PCDHGA1: variants seen among roughly 807,000 people sequenced by gnomAD.
PCDHGA1 encodes the protein protocadherin gamma subfamily A, 1, also known as protocadherin gamma-A1.
In PCDHGA1, 32 loss-of-function variants were observed where a neutral mutation model predicts 58.0. That is an observed-to-expected ratio of 0.55 (90% CI 0.42 to 0.74). PCDHGA1 has a LOEUF of 0.74. PCDHGA1 is among the 30% of genes least tolerant of loss of function. The probability of loss-of-function intolerance (pLI) is 0.00; values close to 1 mark genes in which losing one functional copy is unlikely to be tolerated. For missense variants in PCDHGA1, 1,205 were observed against 1,182.3 expected (o/e 1.02, Z -0.28); for synonymous variants, 498 against 501.1 (o/e 0.99, Z 0.08).
Position 141,332,845 on chromosome 5 carries a change from A to T in PCDHGA1, c.2161A>T (p.Lys721Ter). ...GGCGCACAGGCTGCGGCGCTGGCACAAGTCACGTCTGCTACAGGCTTCGGG... is the reference window on the plus strand; with the variant it reads ...GGCGCACAGGCTGCGGCGCTGGCACTAGTCACGTCTGCTACAGGCTTCGGG... ...LLAHRLRRWHKSRLLQASGGG... is the reference protein window; with the variant it reads ...LLAHRLRRWH The change falls in exon 1 of 4, where the codon AAG becomes TAG. Residue 721 changes from lysine (K) to a stop codon, truncating the protein, a stop_gained. Coordinates refer to ENST00000517417, the MANE Select transcript of PCDHGA1 (RefSeq NM_018912.3). LOFTEE classifies it high-confidence loss of function. The surrounding 1 kb of genome is among the most constrained non-coding windows in gnomAD (Gnocchi z 4.6). The T allele has an allele frequency of 6.2e-7, 1 of 1,614,210 alleles. No homozygotes were observed.
At chr5:141,459,735 T>A (rs114520602) in intron 1 of PCDHGA1, among the ~76,000 whole-genome samples, 1 of 152,374 alleles carries the variant, frequency 6.6e-6, no homozygotes, top group Non-Finnish European at 1.5e-5. Flanking sequence ...GTCAATTTTT[T>A]AAATTTTAGC....
chr5:141,498,827 G>C (rs2099786072), intron 2 of PCDHGA1, among the ~76,000 whole-genome samples: 1 of 152,102 alleles, frequency 6.6e-6, no homozygotes, highest in Non-Finnish European at 1.5e-5. Context: ...CAGCTACTCA[G>C]GAGGCTGAGG....
At chr5:141,403,291 A>C in intron 1 of PCDHGA1, 1 of 1,613,918 alleles carries the variant, frequency 6.2e-7, no homozygotes, top group Non-Finnish European at 8.5e-7. Flanking sequence ...TTGAAGACAG[A>C]GTGAAACTGT....
rs190332380 is a variant in PCDHGA1 at position 141,336,170 on chromosome 5, T to C, written c.2421+3065T>C. Among the ~76,000 whole-genome samples, 773 of 152,152 alleles carry C rather than the reference T, an allele frequency of 5.1e-3. 5 individuals are homozygous for C. The highest frequency in any genetic ancestry group is 0.017 in the African/African-American group (698 of 41,518). On this transcript the variant is annotated intron_variant, in intron 1 of 3. Transcript: ENST00000517417. ...TGAAATAATGGAAGCAGACAATAAA[T>C]GTAATAAAACCAGTGGGGAGAAAAT... is the stretch of plus-strand genomic sequence containing the variant.
chr5:141,394,821 G>C (rs2093106496), intron 1 of PCDHGA1: 4 of 1,613,862 alleles, frequency 2.5e-6, no homozygotes, highest in Middle Eastern at 1.6e-4. Flanking sequence ...CAGCATCCCC[G>C]AAGTCCTGAC....
chr5:141,383,634 T>C, intron 1 of PCDHGA1: 1 of 1,613,914 alleles, frequency 6.2e-7, no homozygotes, highest in Non-Finnish European at 8.5e-7. Flanking sequence ...TCTCTCTGCC[T>C]CAGTACCAAG....
intron 1 of PCDHGA1, chr5:141,362,530 C>A: frequency 6.2e-7 from 1 of 1,613,936 alleles, no homozygotes. Context: ...CGCTGGGGTC[C>A]CTTTTGCCTC....
At chr5:141,351,348 C>G (rs200422536) in intron 1 of PCDHGA1, 4 of 1,613,196 alleles carry the variant, frequency 2.5e-6, no homozygotes, top group African/African-American at 1.3e-5. Flanking sequence ...ACTGTAATAG[C>G]CCTCATAAAA....
At chr5:141,426,442 G>A (rs1205822455) in intron 1 of PCDHGA1, 9 of 306,752 alleles carry the variant, frequency 2.9e-5, no homozygotes, top group African/African-American at 4.3e-5. Context: ...CCTTGCGGAG[G>A]ACATGCGGCT....
chr5:141,478,100 C>T, intron 1 of PCDHGA1: 1 of 1,614,124 alleles, frequency 6.2e-7, no homozygotes, highest in Non-Finnish European at 8.5e-7. Context: ...CACTGCTACC[C>T]TCACTGTGTC....
At chr5:141,374,081 G>A (rs1588729709) in intron 1 of PCDHGA1, 1 of 1,524,542 alleles carries the variant, frequency 6.6e-7, no homozygotes. Flanking sequence ...TAATAAGCCA[G>A]TAATGGCGCC....
rs775290219 is a variant in PCDHGA1 at position 141,423,576 on chromosome 5, G to A, written c.2422-71231G>A. On this transcript the variant is annotated intron_variant, in intron 1 of 3. Transcript: ENST00000517417. ...ACTATGGGGACACGCTCATCAGCCAGGAGAGCTGTGAGAAAAGCGAGCCAC... is the reference window on the plus strand; with the variant it reads ...ACTATGGGGACACGCTCATCAGCCAAGAGAGCTGTGAGAAAAGCGAGCCAC... The A allele has an allele frequency of 1.9e-6, 3 of 1,613,588 alleles. No homozygotes were observed. In the Admixed American group the frequency reaches 5.0e-5, roughly 27 times the overall value.
At position 141,382,875 on chromosome 5, in the gene PCDHGA1, C is replaced by T. The variant is rs531192742; in HGVS notation, c.2421+49770C>T. On this transcript the variant is annotated intron_variant, in intron 1 of 3. Transcript: ENST00000517417. ...TCTGAAGCACTTCCCGAGATCGGCG[C>T]CTAAGCAAGAGAAGCAGGACGACTA... 5 of 1,524,466 alleles carry T rather than the reference C, an allele frequency of 3.3e-6. No individual in the cohort carries two copies. In the East Asian group the frequency reaches 1.1e-4, roughly 35 times the overall value. The allele number at this position is 1,524,466 out of a possible 1,614,324, so 94.4% of individuals were successfully genotyped here. A position where few individuals can be genotyped will look rare whatever the true frequency, so the allele number is the denominator to read the frequency against.
Position 141,371,530 on chromosome 5 carries a change from A to G in PCDHGA1, c.2421+38425A>G, listed in dbSNP as rs769779786. ...ACACATGATCTAGATTCTGGATTTAATGGAGAAATCCTATGCCAACTAAAA... is the reference window on the plus strand; with the variant it reads ...ACACATGATCTAGATTCTGGATTTAGTGGAGAAATCCTATGCCAACTAAAA... On this transcript the variant is annotated intron_variant, in intron 1 of 3. Transcript: ENST00000517417. The G allele has an allele frequency of 1.9e-6, 3 of 1,613,804 alleles. No individual in the cohort carries two copies. The Middle Eastern group carries it at 4.9e-4, about 266-fold the overall frequency.
chr5:141,428,131 G>T, intron 1 of PCDHGA1: 1 of 1,602,720 alleles, frequency 6.2e-7, no homozygotes, highest in Non-Finnish European at 8.5e-7. Flanking sequence ...GGGCTTTTCA[G>T]CCTGGGGCTG....
intron 1 of PCDHGA1, among the ~76,000 whole-genome samples, chr5:141,407,290 G>A (rs1025830566): frequency 3.3e-5 from 5 of 152,154 alleles, no homozygotes; most frequent in African/African-American, 1.2e-4. Context: ...TACAATTTCT[G>A]TTCTGAGGAG....
Position 141,489,623 on chromosome 5 carries a change from A to T in PCDHGA1, c.2422-5184A>T, listed in dbSNP as rs924162827. On this transcript the variant is annotated intron_variant, in intron 1 of 3. Coordinates refer to ENST00000517417, the MANE Select transcript of PCDHGA1 (RefSeq NM_018912.3). This position sits in a 1 kb window ranked among gnomAD's most constrained non-coding sequence, Gnocchi z 4.5. ...GAGGTAGAGATCCTGGATCTCAATG[A>T]CAACTCTCCTAGCTTTGCCACCCCT... is the stretch of plus-strand genomic sequence containing the variant. The T allele has an allele frequency of 6.2e-7, 1 of 1,614,102 alleles. No homozygotes were observed. Among genetic ancestry groups the T allele is most frequent in the Non-Finnish European group, 8.5e-7 (1 of 1,179,996 alleles).
chr5:141,432,374 C>T lies in PCDHGA1; in HGVS notation c.2422-62433C>T. The T allele has an allele frequency of 6.2e-7, 1 of 1,614,240 alleles. No individual in the cohort carries two copies. The highest frequency in any genetic ancestry group is 1.1e-5 in the South Asian group (1 of 91,082). ...GAAAGTGATGGCGCGGGACAACGGG[C>T]ACCCGCCCCTCAGCAGCAACGTGTC... On this transcript the variant is annotated intron_variant, in intron 1 of 3. Transcript: ENST00000517417. The surrounding 1 kb of genome is among the most constrained non-coding windows in gnomAD (Gnocchi z 6.0).
intron 2 of PCDHGA1, among the ~76,000 whole-genome samples, chr5:141,503,202 C>G (rs1562210201): frequency 6.6e-6 from 1 of 152,090 alleles, no homozygotes; most frequent in East Asian, 1.9e-4. Context: ...ATCAGCCTCT[C>G]AGTGCCCACC....
Sources: gnomAD v4.1 joint callset for allele counts (sites outside exome capture counted in the v4.1 genomes callset) on GRCh38, gnomAD v4.1.1 for gene constraint, Gnocchi (gnomAD v3.1) non-coding constraint, MANE v1.5 for transcripts, NCBI Gene and HGNC (gene_info 2026-07-23, HGNC 2026-07-21) for gene names.